Variants in INTS7 observed in about 807,000 individuals in gnomAD.
INTS7 encodes integrator complex subunit 7.
INTS7 carries 46 observed loss-of-function variants against 109.2 expected under a neutral mutation model. The observed-to-expected ratio is 0.42, with a 90% CI of 0.33 to 0.54. The LOEUF (loss-of-function observed/expected upper bound fraction) is 0.54. Among genes scored for constraint, INTS7 ranks in the 20% least tolerant of loss-of-function variants. The pLI, the probability that INTS7 is intolerant of heterozygous loss-of-function variation, is 0.07. For missense variants in INTS7, 929 were observed against 1,132.4 expected, an observed-to-expected ratio of 0.82 and a Z score of 2.58; for synonymous variants, 412 against 402.9, an observed-to-expected ratio of 1.02 and a Z score of -0.27.
Position 211,978,274 on chromosome 1 carries a change from G to T in INTS7, c.1468C>A (p.Leu490Met). Residue 490 changes from leucine (L) to methionine (M), a missense_variant and splice_region_variant, in exon 11 of 20, where the codon CTG becomes ATG. Leu to Met is a conservative substitution (Grantham distance 15). Transcript: ENST00000366994. ...RSATDKQQEL[L>M]VSLATVIFVA... ...GAGATTCAAAATGGGCTTTTTACCA[G>T]AAGTTCTTGTTGCTTGTCTGTGGCT... 1 of 1,614,020 alleles carries T rather than the reference G, an allele frequency of 6.2e-7. No homozygotes were observed. The highest frequency in any genetic ancestry group is 8.5e-7 in the Non-Finnish European group (1 of 1,179,900).
intron 16 of INTS7, among the ~76,000 whole-genome samples, chr1:211,963,238 G>A (rs1307508807): frequency 6.6e-6 from 1 of 152,100 alleles, no homozygotes; most frequent in Non-Finnish European, 1.5e-5. Flanking sequence ...AGAAAATCTA[G>A]AAGGAATGGA....
chr1:211,942,165 T>A lies in INTS7; in HGVS notation c.2602-54A>T. The A allele has an allele frequency of 6.4e-7, 1 of 1,570,182 alleles. No individual in the cohort carries two copies. Among genetic ancestry groups the A allele is most frequent in the Non-Finnish European group, 8.7e-7 (1 of 1,151,212 alleles). On this transcript the variant is annotated intron_variant, in intron 19 of 19. Coordinates refer to ENST00000366994, the MANE Select transcript of INTS7 (RefSeq NM_015434.4). The surrounding 1 kb of genome is among the most constrained non-coding windows in gnomAD (Gnocchi z 4.2). Reference sequence around the variant, plus strand: ...CAATGGCTAACATTTCTTCAGTGCTTACTATGAGTTAGGCCCTGTTCTAAG... The same window carrying A: ...CAATGGCTAACATTTCTTCAGTGCTAACTATGAGTTAGGCCCTGTTCTAAG...
At chr1:211,995,801 C>T (rs1210014849) in intron 7 of INTS7, among the ~76,000 whole-genome samples, 1 of 152,152 alleles carries the variant, frequency 6.6e-6, no homozygotes, top group African/African-American at 2.4e-5. Context: ...AGAAGAAGCA[C>T]AAGGGAGTGT....
intron 7 of INTS7, 146 bp downstream of exon 7, chr1:212,006,493 T>G: frequency 2.8e-6 from 1 of 363,326 alleles, no homozygotes; most frequent in East Asian, 4.6e-5. Flanking sequence ...ATAAAATAAC[T>G]GCCACAAACA....
At position 211,944,946 on chromosome 1, in the gene INTS7, C is replaced by G. The variant is rs1400000858; in HGVS notation, c.2439G>C (p.Arg813=). 6.2e-7 allele frequency: 1 copy of G among 1,614,070 alleles called. No homozygotes were observed. Among genetic ancestry groups the G allele is most frequent in the East Asian group, 2.2e-5 (1 of 44,892 alleles). Residue 813 remains arginine, a synonymous_variant, in exon 19 of 20, where the codon CGG becomes CGC. Transcript: ENST00000366994. The stretch of plus-strand genomic sequence containing the variant: ...GGACAGCAATGGGCTCTGCAGGATT[C>G]CGGGGCGATGGTGACAGAGCAAGCT... ...SIKLALSPSP[R]NPAEPIAVQN...
intron 1 of INTS7, among the ~76,000 whole-genome samples, chr1:212,024,111 CT>C (rs1260437094): frequency 6.6e-6 from 1 of 152,116 alleles, no homozygotes; most frequent in Non-Finnish European, 1.5e-5. Context: ...TTACTGTGGC[CT>C]TACAAAATAG....
At position 211,997,192 on chromosome 1, in the gene INTS7, G is replaced by GA. The variant is rs564245446; in HGVS notation, c.880-9190dup. Among the ~76,000 whole-genome samples, 479 of 151,290 alleles carry GA rather than the reference G, an allele frequency of 3.2e-3. 4 individuals carry two copies. Among genetic ancestry groups the GA allele is most frequent in the African/African-American group, 0.011 (455 of 41,210 alleles). On this transcript the variant is annotated intron_variant, in intron 7 of 19. Transcript: ENST00000366994. ...ACCACCTGCTCCCCAAAAACCTATG[G>GA]AAAAAACAAAACAAAACAAAAATAC... is the stretch of plus-strand genomic sequence containing the variant.
chr1:211,979,931 G>A (rs1341265198), intron 10 of INTS7, among the ~76,000 whole-genome samples: 1 of 152,080 alleles, frequency 6.6e-6, no homozygotes, highest in African/African-American at 2.4e-5. Context: ...AATGTATTGT[G>A]TTCCGCTTGG....
chr1:211,964,223 T>C (rs2102404667), intron 16 of INTS7, among the ~76,000 whole-genome samples: 1 of 152,274 alleles, frequency 6.6e-6, no homozygotes, highest in East Asian at 1.9e-4. Flanking sequence ...AAATCAGGAA[T>C]GCATTCCCAT....
At position 211,946,028 on chromosome 1, in the gene INTS7, T is replaced by C. The variant is rs940950264; in HGVS notation, c.2415+579A>G. Among the ~76,000 whole-genome samples, 12 of 152,342 alleles carry C rather than the reference T, an allele frequency of 7.9e-5. No individual in the cohort carries two copies. Among genetic ancestry groups the C allele is most frequent in the African/African-American group, 2.9e-4 (12 of 41,572 alleles). On this transcript the variant is annotated intron_variant, in intron 18 of 19. Transcript: ENST00000366994. This position sits in a 1 kb window ranked among gnomAD's most constrained non-coding sequence, Gnocchi z 4.3. Reference sequence around the variant, plus strand: ...CTGTGATAAATCACTAATTTATTCCTGGAGGTGAGAGACAAACAACAGAGC... The same window carrying C: ...CTGTGATAAATCACTAATTTATTCCCGGAGGTGAGAGACAAACAACAGAGC...
chr1:212,019,620 A>G (rs1666605597), intron 3 of INTS7, among the ~76,000 whole-genome samples: 2 of 152,240 alleles, frequency 1.3e-5, no homozygotes, highest in African/African-American at 2.4e-5. Flanking sequence ...TAAGGCTTAC[A>G]AAATGAAATT....
chr1:212,020,319 A>G (rs1387174824), intron 2 of INTS7, 51 bp from the exon 3 acceptor site: 3 of 1,113,166 alleles, frequency 2.7e-6, no homozygotes, highest in Non-Finnish European at 3.9e-6. Context: ...ATATTTAATT[A>G]GGAACCAAAG....
chr1:211,984,778 T>C (rs1233001516), intron 8 of INTS7, among the ~76,000 whole-genome samples: 1 of 152,132 alleles, frequency 6.6e-6, no homozygotes, highest in Non-Finnish European at 1.5e-5. Flanking sequence ...TTTATTCCTT[T>C]CTTTCTTTTT....
intron 16 of INTS7, among the ~76,000 whole-genome samples, chr1:211,960,632 G>C (rs1273336625): frequency 6.6e-6 from 1 of 152,132 alleles, no homozygotes; most frequent in African/African-American, 2.4e-5. Context: ...TGATAGAGTA[G>C]AAAAACAAAC....
At chr1:211,983,520 T>C (rs1395071166) in intron 8 of INTS7, among the ~76,000 whole-genome samples, 2 of 152,202 alleles carry the variant, frequency 1.3e-5, no homozygotes. Flanking sequence ...CTATTGTAAT[T>C]TACAGTAGAG....
At chr1:211,997,503 A>G (rs1281280155) in intron 7 of INTS7, among the ~76,000 whole-genome samples, 1 of 147,058 alleles carries the variant, frequency 6.8e-6, no homozygotes, top group Non-Finnish European at 1.5e-5. Flanking sequence ...AGCCTGGGCA[A>G]CAGAGTGAAA....
chr1:211,975,460 G>A, intron 12 of INTS7, 88 bp from the exon 13 acceptor site: 2 of 936,288 alleles, frequency 2.1e-6, no homozygotes, highest in East Asian at 4.8e-5. Context: ...GCAGCTAAAA[G>A]AGAAACCCAA....
At chr1:211,988,570 T>A (rs971278464) in intron 7 of INTS7, among the ~76,000 whole-genome samples, 2 of 152,220 alleles carry the variant, frequency 1.3e-5, no homozygotes, top group Non-Finnish European at 1.5e-5. Flanking sequence ...GAATGAACTT[T>A]GGTTAATAAT....
At chr1:211,950,326 C>T (rs1663030527) in intron 17 of INTS7, among the ~76,000 whole-genome samples, 1 of 152,214 alleles carries the variant, frequency 6.6e-6, no homozygotes, top group Non-Finnish European at 1.5e-5. Context: ...GGCTGGAGTG[C>T]AATGGCGTGA....
Sources: allele counts gnomAD v4.1 joint callset (sites outside exome capture counted in the v4.1 genomes callset), GRCh38; gene constraint gnomAD v4.1.1; non-coding constraint Gnocchi (gnomAD v3.1); transcripts MANE v1.5; gene names NCBI Gene and HGNC (gene_info 2026-07-23, HGNC 2026-07-21).